The following GRIN2A variants were observed in gnomAD, a reference collection of about 807,000 sequenced individuals.
The protein encoded by GRIN2A is glutamate receptor ionotropic, NMDA 2A.
GRIN2A carries 22 observed loss-of-function variants against 113.4 expected under a neutral mutation model. That is an observed-to-expected ratio of 0.19 (90% CI 0.14 to 0.28). The LOEUF (loss-of-function observed/expected upper bound fraction) is 0.28. Ranked by LOEUF, GRIN2A falls within the 10% of genes least tolerant of loss-of-function variation. The pLI, the probability that GRIN2A is intolerant of heterozygous loss-of-function variation, is 1.00. For synonymous variants in GRIN2A, 827 were observed against 738.4 expected, an observed-to-expected ratio of 1.12 and a Z score of -1.94; for missense variants, 1,502 against 1,887.0, an observed-to-expected ratio of 0.80 and a Z score of 3.78.
At chr16:10,155,741 G>C (rs2142308398) in intron 2 of GRIN2A, among the ~76,000 whole-genome samples, 1 of 152,282 alleles carries the variant, frequency 6.6e-6, no homozygotes, top group Non-Finnish European at 1.5e-5. Flanking sequence ...CAAATGAGAA[G>C]CAAGGTCACA....
intron 12 of GRIN2A, among the ~76,000 whole-genome samples, chr16:9,765,845 C>T (rs1415214392): frequency 2.0e-5 from 3 of 152,206 alleles, no homozygotes; most frequent in Non-Finnish European, 4.4e-5. Flanking sequence ...GCCTTTAAAT[C>T]CATCCAGGGA....
chr16:10,106,367 C>G (rs1158720439), intron 2 of GRIN2A, among the ~76,000 whole-genome samples: 1 of 151,756 alleles, frequency 6.6e-6, no homozygotes, highest in Non-Finnish European at 1.5e-5. Flanking sequence ...TCGAGACCAA[C>G]CTGGGCAATA....
intron 2 of GRIN2A, among the ~76,000 whole-genome samples, chr16:10,091,294 A>C (rs1488240344): frequency 6.6e-6 from 1 of 152,164 alleles, no homozygotes; most frequent in East Asian, 1.9e-4. Context: ...AAATAACCCA[A>C]ATACCCATGA....
At chr16:9,921,113 G>A (rs1179876873) in intron 3 of GRIN2A, among the ~76,000 whole-genome samples, 1 of 152,182 alleles carries the variant, frequency 6.6e-6, no homozygotes, top group Non-Finnish European at 1.5e-5. Flanking sequence ...GGAAAGACTA[G>A]CTTCTCCCCT....
intron 2 of GRIN2A, among the ~76,000 whole-genome samples, chr16:10,094,182 G>C (rs1406941895): frequency 6.6e-6 from 1 of 152,170 alleles, no homozygotes; most frequent in Non-Finnish European, 1.5e-5. Context: ...TGGTTATAAT[G>C]TCCTAAATCT....
Position 9,888,265 on chromosome 16 carries a change from C to T in GRIN2A, c.1122+2721G>A, listed in dbSNP as rs765451823. ...GGCTGGGCACAGTGGCTAACAGTGT[C>T]TTTAGATGAGCAAAAGTTTTTAATT... On this transcript the variant is annotated intron_variant, in intron 4 of 12. Coordinates refer to ENST00000330684, the MANE Select transcript of GRIN2A (RefSeq NM_001134407.3). Among the ~76,000 whole-genome samples, 5 of 152,282 alleles carry T rather than the reference C, an allele frequency of 3.3e-5. No individual in the cohort carries two copies. The East Asian group carries it at 7.7e-4, about 24-fold the overall frequency.
At chr16:9,980,932 C>T (rs1228652446) in intron 2 of GRIN2A, among the ~76,000 whole-genome samples, 3 of 150,500 alleles carry the variant, frequency 2.0e-5, no homozygotes, top group Non-Finnish European at 3.0e-5. Flanking sequence ...GGCACATGTA[C>T]ACATATGTAA....
At chr16:10,124,207 C>T (rs747001498) in intron 2 of GRIN2A, among the ~76,000 whole-genome samples, 1 of 151,966 alleles carries the variant, frequency 6.6e-6, no homozygotes, top group Non-Finnish European at 1.5e-5. Context: ...ACCTAGGCCA[C>T]GATGTATAGG....
intron 10 of GRIN2A, among the ~76,000 whole-genome samples, chr16:9,804,522 T>G (rs1010269594): frequency 4.1e-4 from 62 of 152,192 alleles, no homozygotes; most frequent in African/African-American, 1.4e-3. Context: ...TTTCTCCCAC[T>G]GGGCAGGAGG....
At chr16:9,996,468 T>C (rs2046225690) in intron 2 of GRIN2A, among the ~76,000 whole-genome samples, 1 of 152,196 alleles carries the variant, frequency 6.6e-6, no homozygotes, top group Admixed American at 6.5e-5. Flanking sequence ...CTCCTACCCA[T>C]CACTGTAATC....
At chr16:9,997,591 T>C (rs1395609450) in intron 2 of GRIN2A, among the ~76,000 whole-genome samples, 1 of 152,194 alleles carries the variant, frequency 6.6e-6, no homozygotes, top group African/African-American at 2.4e-5. Context: ...CATTCTTGTG[T>C]TACATGTTTG....
At chr16:10,068,081 G>A (rs28465345) in intron 2 of GRIN2A, among the ~76,000 whole-genome samples, 14,628 of 152,296 alleles carry the variant, frequency 0.096, 780 homozygotes, top group African/African-American at 0.11. Context: ...CATAGCAGCT[G>A]TTTCCATGAA....
intron 4 of GRIN2A, among the ~76,000 whole-genome samples, chr16:9,863,435 G>C (rs937763436): frequency 2.0e-5 from 3 of 152,114 alleles, no homozygotes; most frequent in Non-Finnish European, 4.4e-5. Context: ...TCTTCCATTT[G>C]CCTGTGAATT....
chr16:9,763,643 C>A lies in GRIN2A; in HGVS notation c.3901G>T (p.Glu1301Ter), dbSNP rs754669800. Residue 1301 changes from glutamate (E) to a stop codon, truncating the protein, a stop_gained, in exon 13 of 13, where the codon GAG becomes TAG. Coordinates refer to ENST00000330684, the MANE Select transcript of GRIN2A (RefSeq NM_001134407.3). LOFTEE classifies it high-confidence loss of function. ...CGGGAGGGCCTGCTAAGGTCTAGCT[C>A]CCTAGGTTTGTCGACAATGTTATCG... ...SYDNIVDKPRELDLSRPSRSI... is the reference protein window; with the variant it reads ...SYDNIVDKPR The A allele has an allele frequency of 6.2e-7, 1 of 1,613,254 alleles. No individual in the cohort carries two copies. Among genetic ancestry groups the A allele is most frequent in the Non-Finnish European group, 8.5e-7 (1 of 1,179,982 alleles).
At chr16:9,789,332 A>C (rs558000401) in intron 11 of GRIN2A, among the ~76,000 whole-genome samples, 74 of 152,250 alleles carry the variant, frequency 4.9e-4, no homozygotes, top group African/African-American at 1.7e-3. Context: ...GCCTCATGGT[A>C]CTAATTTCTG....
At chr16:10,143,341 C>T (rs951905896) in intron 2 of GRIN2A, among the ~76,000 whole-genome samples, 1 of 152,128 alleles carries the variant, frequency 6.6e-6, no homozygotes, top group Non-Finnish European at 1.5e-5. Context: ...TGCAGGGATA[C>T]ATTTTCCTCT....
At chr16:10,135,745 T>G (rs2049178731) in intron 2 of GRIN2A, among the ~76,000 whole-genome samples, 1 of 152,146 alleles carries the variant, frequency 6.6e-6, no homozygotes, top group Non-Finnish European at 1.5e-5. Flanking sequence ...TCAGGTGGAA[T>G]TTACTCTTCA....
At chr16:9,774,915 G>A (rs554588280) in intron 11 of GRIN2A, among the ~76,000 whole-genome samples, 13 of 152,114 alleles carry the variant, frequency 8.5e-5, no homozygotes, top group African/African-American at 2.4e-4. Flanking sequence ...TTCCAAGAAC[G>A]CAAGTCCAGG....
chr16:9,933,070 C>A lies in GRIN2A; in HGVS notation c.1007+4889G>T, dbSNP rs1056257085. On this transcript the variant is annotated intron_variant, in intron 3 of 12. Transcript: ENST00000330684. ...ACATGGTCTGTGCTTGGTGAAGGAACAGATGTTTAATAACTGTGCAGTAGC... is the reference window on the plus strand; with the variant it reads ...ACATGGTCTGTGCTTGGTGAAGGAAAAGATGTTTAATAACTGTGCAGTAGC... 2.0e-5 allele frequency among the ~76,000 whole-genome samples: 3 copies of A among 152,176 alleles called. No individual in the cohort carries two copies. The East Asian group carries it at 5.8e-4, about 29-fold the overall frequency.
Sources: allele counts gnomAD v4.1 joint callset (sites outside exome capture counted in the v4.1 genomes callset), GRCh38; gene constraint gnomAD v4.1.1; transcripts MANE v1.5; gene names NCBI Gene and HGNC (gene_info 2026-07-23, HGNC 2026-07-21).